Variants in EEA1 observed in about 807,000 individuals in gnomAD.
The protein encoded by EEA1 is early endosome antigen 1.
In EEA1, 111 loss-of-function variants were observed where a neutral mutation model predicts 209.2. The observed-to-expected ratio is 0.53, with a 90% CI of 0.45 to 0.62. The LOEUF is 0.62. Among genes scored for constraint, EEA1 ranks in the 20% least tolerant of loss-of-function variants. The probability of loss-of-function intolerance (pLI) is 0.00; values close to 1 mark genes in which losing one functional copy is unlikely to be tolerated. For synonymous variants in EEA1, 536 were observed against 540.6 expected, an observed-to-expected ratio of 0.99 and a Z score of 0.12; for missense variants, 1,343 against 1,530.8, an observed-to-expected ratio of 0.88 and a Z score of 2.05.
intron 2 of EEA1, among the ~76,000 whole-genome samples, chr12:92,875,416 A>G (rs568914325): frequency 3.9e-5 from 6 of 152,264 alleles, no homozygotes; most frequent in African/African-American, 1.4e-4. Flanking sequence ...AGACTGGGCG[A>G]CAGAGTGATA....
intron 1 of EEA1, among the ~76,000 whole-genome samples, chr12:92,891,975 C>T (rs1316054794): frequency 6.6e-6 from 1 of 152,150 alleles, no homozygotes; most frequent in Non-Finnish European, 1.5e-5. Context: ...GTCACCTTCA[C>T]AAAACATCAT....
At chr12:92,875,804 C>G (rs4426168) in intron 2 of EEA1, among the ~76,000 whole-genome samples, 140,980 of 152,250 alleles carry the variant, frequency 0.93, 65,359 homozygotes, top group East Asian at 1. Flanking sequence ...CACTATGCTA[C>G]AGCTACAATA....
chr12:92,857,987 G>GT (rs1484547019), intron 3 of EEA1: 1 of 331,716 alleles, frequency 3.0e-6, no homozygotes, highest in African/African-American at 2.1e-5. Flanking sequence ...TGCGCACTGA[G>GT]TAGAATGCCG....
chr12:92,857,281 C>T lies in EEA1; in HGVS notation c.360G>A (p.Gln120=), dbSNP rs113696878. ...AGTAGTTAAAAGCAATTACTTGCTG[C>T]TGCAGCCCTTGATATTTTTCTAATT... ...KKELEKYQGL[Q]QQEAKPDGLV... is the part of the protein sequence containing the mutation. The change falls in exon 5 of 29, where the codon CAG becomes CAA. Residue 120 remains glutamine (Q), a synonymous_variant. Transcript: ENST00000322349. 6.3e-7 allele frequency: 1 copy of T among 1,585,276 alleles called. No individual in the cohort carries two copies.
At chr12:92,893,359 A>G (rs1345364775) in intron 1 of EEA1, among the ~76,000 whole-genome samples, 1 of 152,230 alleles carries the variant, frequency 6.6e-6, no homozygotes, top group Non-Finnish European at 1.5e-5. Flanking sequence ...GATGGGTAAT[A>G]AATGAAAGAA....
chr12:92,799,117 C>T, intron 20 of EEA1, 31 bp from the exon 21 acceptor site: 1 of 1,512,544 alleles, frequency 6.6e-7, no homozygotes, highest in South Asian at 1.3e-5. Flanking sequence ...ATTTAGCCTT[C>T]ATTTGTTCAT....
At chr12:92,856,579 T>G (rs1264322760) in intron 5 of EEA1, among the ~76,000 whole-genome samples, 3 of 151,674 alleles carry the variant, frequency 2.0e-5, no homozygotes, top group Non-Finnish European at 4.4e-5. Flanking sequence ...TATTACTAGC[T>G]ATTTATAGCT....
Position 92,851,176 on chromosome 12 carries a change from C to T in EEA1, c.733G>A (p.Glu245Lys), listed in dbSNP as rs768779507. 1 of 1,613,942 alleles carries T rather than the reference C, an allele frequency of 6.2e-7. No homozygotes were observed. Among genetic ancestry groups the T allele is most frequent in the South Asian group, 1.1e-5 (1 of 91,062 alleles). The change falls in exon 9 of 29, where the codon GAG becomes AAG. Residue 245 changes from glutamate (E) to lysine (K), a missense_variant. By Grantham distance (56) the Glu-to-Lys change is moderately conservative. Around this residue, in one of 3 missense-constraint regions of EEA1, gnomAD observed 1,307 missense variants for 1,465.5 expected, o/e 0.89. Transcript: ENST00000322349. ...TLMDNMTLER[E>K]RESEKLKDEC... ...TCTTTGAGTTTTTCAGATTCTCGCT[C>T]ACGTTCCAAGGTCATGTTATCCATT...
intron 10 of EEA1, among the ~76,000 whole-genome samples, chr12:92,839,319 C>T (rs1020448985): frequency 1.3e-5 from 2 of 152,024 alleles, no homozygotes; most frequent in African/African-American, 4.8e-5. Context: ...TTACAGTGTA[C>T]AAAAAGTCCA....
chr12:92,880,407 C>T (rs986737866), intron 2 of EEA1, among the ~76,000 whole-genome samples: 1 of 152,162 alleles, frequency 6.6e-6, no homozygotes, highest in African/African-American at 2.4e-5. Context: ...CAGGAGCAAG[C>T]GATTCTCCTG....
chr12:92,787,002 C>T (rs553699999), intron 22 of EEA1, among the ~76,000 whole-genome samples: 3 of 152,146 alleles, frequency 2.0e-5, no homozygotes, highest in Non-Finnish European at 4.4e-5. Context: ...GACCTTTCTC[C>T]GGAGTCTCTG....
intron 20 of EEA1, among the ~76,000 whole-genome samples, chr12:92,799,992 G>A (rs920628863): frequency 1.3e-5 from 2 of 152,004 alleles, no homozygotes; most frequent in Admixed American, 6.6e-5. Flanking sequence ...GGAGGCCAAC[G>A]CGGGCAGGTT....
chr12:92,810,278 T>A (rs997981983), intron 17 of EEA1, among the ~76,000 whole-genome samples: 1 of 152,096 alleles, frequency 6.6e-6, no homozygotes, highest in Non-Finnish European at 1.5e-5. Flanking sequence ...AATATGATAC[T>A]CCCTAAAATG....
chr12:92,920,868 C>A (rs1184491386), intron 1 of EEA1, among the ~76,000 whole-genome samples: 2 of 150,626 alleles, frequency 1.3e-5, no homozygotes, highest in African/African-American at 4.9e-5. Context: ...GGGCTAATAT[C>A]CAGAATCTAC....
intron 13 of EEA1, among the ~76,000 whole-genome samples, chr12:92,820,791 A>G (rs747334834): frequency 1.3e-5 from 2 of 151,892 alleles, no homozygotes; most frequent in Non-Finnish European, 2.9e-5. Flanking sequence ...ACACACACAT[A>G]TATATATGTA....
chr12:92,793,082 C>G (rs561079384), intron 21 of EEA1, among the ~76,000 whole-genome samples: 5 of 152,088 alleles, frequency 3.3e-5, no homozygotes, highest in Non-Finnish European at 5.9e-5. Flanking sequence ...AATTCAACAG[C>G]CTTCATGCTA....
In EEA1 at chr12:92,798,980, T is replaced by C. The variant is rs767294609; in HGVS notation, c.2879A>G (p.Asn960Ser). 7 of 1,613,368 alleles carry C rather than the reference T, an allele frequency of 4.3e-6. No individual in the cohort carries two copies. In the African/African-American group the frequency reaches 9.3e-5, roughly 22 times the overall value. The change falls in exon 21 of 29, where the codon AAC becomes AGC. Residue 960 changes from asparagine to serine, a missense_variant. This residue lies in a region of EEA1 where 1,307 missense variants were observed against 1,465.5 expected (regional missense o/e 0.89). Transcript: ENST00000322349. ...ACTTGATTGCTTTAGCTCATTTATG[T>C]TCCCCTGAAGTTGTTGCTCTTCTTT... ...NEKEEQQLQG[N>S]INELKQSSEQ...
At chr12:92,789,213 A>G (rs1036150966) in intron 21 of EEA1, among the ~76,000 whole-genome samples, 9 of 151,126 alleles carry the variant, frequency 6.0e-5, no homozygotes, top group African/African-American at 2.2e-4. Flanking sequence ...TCGCCTGAAC[A>G]CAGGAGGTGG....
At chr12:92,867,462 CA>C (rs549675846) in intron 2 of EEA1, among the ~76,000 whole-genome samples, 69 of 149,680 alleles carry the variant, frequency 4.6e-4, no homozygotes, top group African/African-American at 1.6e-3. Flanking sequence ...AAAAATTGGC[CA>C]AAAAAAAGAA....
Sources: allele counts gnomAD v4.1 joint callset (sites outside exome capture counted in the v4.1 genomes callset), GRCh38; gene constraint gnomAD v4.1.1; regional missense constraint gnomAD v4.1.1; transcripts MANE v1.5; gene names NCBI Gene and HGNC (gene_info 2026-07-23, HGNC 2026-07-21).